CYSTM1: variants seen among roughly 807,000 people sequenced by gnomAD.
CYSTM1 encodes cysteine-rich transmembrane module-containing protein 1.
A neutral mutation model predicts 13.1 loss-of-function variants in CYSTM1; 4 were observed. The observed-to-expected ratio is 0.31, with a 90% CI of 0.15 to 0.70. CYSTM1 has a LOEUF of 0.70. Ranked by LOEUF, CYSTM1 falls within the 30% of genes least tolerant of loss-of-function variation. The pLI is 0.72. For synonymous variants in CYSTM1, 36 were observed against 42.7 expected, an observed-to-expected ratio of 0.84 and a Z score of 0.62; for missense variants, 96 against 121.6, an observed-to-expected ratio of 0.79 and a Z score of 0.99.
chr5:140,228,048 A>C (rs1442179734), intron 2 of CYSTM1, among the ~76,000 whole-genome samples: 1 of 152,192 alleles, frequency 6.6e-6, no homozygotes, highest in Non-Finnish European at 1.5e-5. Flanking sequence ...TTTTAGTAGT[A>C]GTCTATTATG....
At chr5:140,183,204 G>A (rs1252985269) in intron 1 of CYSTM1, among the ~76,000 whole-genome samples, 1 of 152,178 alleles carries the variant, frequency 6.6e-6, no homozygotes, top group Non-Finnish European at 1.5e-5. Context: ...TTGTTGGGAG[G>A]GATGGACCTG....
rs1261127586 is a variant in CYSTM1, at chr5:140,211,585, G to A, written c.187+16933G>A. On this transcript the variant is annotated intron_variant, in intron 2 of 2. Coordinates refer to ENST00000261811, the MANE Select transcript of CYSTM1 (RefSeq NM_032412.4). ...ATGTATCATGTGGCCTTCCATGCAT[G>A]AGTAAAAATTGTTTTATAACCTACT... Among the ~76,000 whole-genome samples, 11 of 152,292 alleles carry A rather than the reference G, an allele frequency of 7.2e-5. No individual in the cohort carries two copies. The East Asian group carries it at 2.1e-3, about 29-fold the overall frequency.
chr5:140,210,758 C>T (rs1013887420), intron 2 of CYSTM1, among the ~76,000 whole-genome samples: 1 of 152,080 alleles, frequency 6.6e-6, no homozygotes, highest in Non-Finnish European at 1.5e-5. Flanking sequence ...ACCATCTGCC[C>T]GCCTCGGCCT....
At chr5:140,207,012 A>G (rs1470163948) in intron 2 of CYSTM1, among the ~76,000 whole-genome samples, 1 of 152,118 alleles carries the variant, frequency 6.6e-6, no homozygotes, top group Non-Finnish European at 1.5e-5. Flanking sequence ...ATATCCTGGG[A>G]CATCCATTTG....
chr5:140,195,780 C>T (rs1764149360), intron 2 of CYSTM1, among the ~76,000 whole-genome samples: 3 of 149,342 alleles, frequency 2.0e-5, no homozygotes, highest in Non-Finnish European at 4.5e-5. Context: ...CACAGTGGCT[C>T]ATGCCTGTAA....
At chr5:140,217,025 A>G (rs1446956608) in intron 2 of CYSTM1, among the ~76,000 whole-genome samples, 1 of 152,160 alleles carries the variant, frequency 6.6e-6, no homozygotes, top group Non-Finnish European at 1.5e-5. Context: ...ACAGCTTAGA[A>G]AAGATTTTGA....
intron 2 of CYSTM1, among the ~76,000 whole-genome samples, chr5:140,228,278 C>G (rs13180777): frequency 6.6e-6 from 1 of 152,162 alleles, no homozygotes; most frequent in East Asian, 1.9e-4. Flanking sequence ...CATTCCCACT[C>G]CTGCTAACAG....
intron 1 of CYSTM1, among the ~76,000 whole-genome samples, chr5:140,181,582 A>C (rs1763962847): frequency 6.6e-6 from 1 of 152,210 alleles, no homozygotes; most frequent in South Asian, 2.1e-4. Context: ...TCCTGGGCTC[A>C]AAAGATCTTC....
chr5:140,177,868 C>T (rs1052134093), intron 1 of CYSTM1, among the ~76,000 whole-genome samples: 1 of 152,064 alleles, frequency 6.6e-6, no homozygotes, highest in African/African-American at 2.4e-5. Context: ...TTGAAGTGGC[C>T]AACTAATTAT....
intron 2 of CYSTM1, among the ~76,000 whole-genome samples, chr5:140,229,872 TTTTTA>T (rs1463632338): frequency 4.0e-5 from 6 of 151,556 alleles, no homozygotes; most frequent in Non-Finnish European, 7.4e-5. Flanking sequence ...TAATTTTGCA[TTTTTA>T]TTTTATTTTT....
chr5:140,177,077 A>AAAAAAAAAAAAAAC (rs1561806680), intron 1 of CYSTM1, among the ~76,000 whole-genome samples: 27 of 151,122 alleles, frequency 1.8e-4, no homozygotes, highest in African/African-American at 6.1e-4. Context: ...TCAAAAAAAA[A>AAAAAAAAAAAAAAC]AAAAAAAAAA....
Position 140,205,546 on chromosome 5 carries a change from G to A in CYSTM1, c.187+10894G>A, listed in dbSNP as rs1263652625. ...GACAGAATGTCCCAACAAGGACACT[G>A]CTTAGTGCCACCAAGAGCCACATTG... is the stretch of plus-strand genomic sequence containing the variant. On this transcript the variant is annotated intron_variant, in intron 2 of 2. Transcript: ENST00000261811. Among the ~76,000 whole-genome samples, 3 of 152,140 alleles carry A rather than the reference G, an allele frequency of 2.0e-5. No individual in the cohort carries two copies. In the East Asian group the frequency reaches 5.8e-4, roughly 29 times the overall value.
chr5:140,213,613 A>G (rs1030240218), intron 2 of CYSTM1, among the ~76,000 whole-genome samples: 1 of 152,228 alleles, frequency 6.6e-6, no homozygotes, highest in Non-Finnish European at 1.5e-5. Context: ...CATTCATGGT[A>G]AGTGCTCTAT....
At chr5:140,237,478 C>T (rs1045712193) in intron 2 of CYSTM1, among the ~76,000 whole-genome samples, 16 of 152,238 alleles carry the variant, frequency 1.1e-4, no homozygotes, top group African/African-American at 3.9e-4. Context: ...CAGTCAACTT[C>T]TTTCCCTTCT....
At chr5:140,189,274 A>G (rs527959760) in intron 1 of CYSTM1, among the ~76,000 whole-genome samples, 3 of 152,144 alleles carry the variant, frequency 2.0e-5, no homozygotes, top group Admixed American at 6.5e-5. Flanking sequence ...TTCTCACTCT[A>G]TTAGTCAAGT....
At chr5:140,209,618 C>CG (rs1359598564) in intron 2 of CYSTM1, among the ~76,000 whole-genome samples, 2 of 91,912 alleles carry the variant, frequency 2.2e-5, no homozygotes, top group African/African-American at 6.5e-5. Flanking sequence ...TTAGTAAAGG[C>CG]GGGGTTTCAC....
chr5:140,223,528 T>TCAGTACATGCTTAGTACTGCGGCTAC (rs1223157159), intron 2 of CYSTM1, among the ~76,000 whole-genome samples: 2 of 152,196 alleles, frequency 1.3e-5, no homozygotes, highest in African/African-American at 4.8e-5. Flanking sequence ...ACAAAAAGGA[T>TCAGTACATGCTTAGTACTGCGGCTAC]CAGTACATGC....
intron 2 of CYSTM1, among the ~76,000 whole-genome samples, chr5:140,228,090 C>T (rs1016547979): frequency 3.3e-5 from 5 of 152,170 alleles, no homozygotes; most frequent in African/African-American, 1.2e-4. Context: ...ACTGGACTCA[C>T]CTGATAGACA....
At chr5:140,221,537 G>A (rs556311897) in intron 2 of CYSTM1, among the ~76,000 whole-genome samples, 18 of 152,322 alleles carry the variant, frequency 1.2e-4, no homozygotes, top group East Asian at 1.2e-3. Flanking sequence ...ATGCTGTAGC[G>A]TGTGTCAGGA....
Sources: gnomAD v4.1 joint callset for allele counts (sites outside exome capture counted in the v4.1 genomes callset) on GRCh38, gnomAD v4.1.1 for gene constraint, MANE v1.5 for transcripts, NCBI Gene and HGNC (gene_info 2026-07-23, HGNC 2026-07-21) for gene names.